Variants in GPHN observed in about 807,000 individuals in gnomAD.
The protein encoded by GPHN is gephyrin.
A neutral mutation model predicts 95.5 loss-of-function variants in GPHN; 17 were observed. That is an observed-to-expected ratio of 0.18 (90% CI 0.12 to 0.27). The LOEUF is 0.27. GPHN is among the 10% of genes least tolerant of loss of function. GPHN has a pLI of 1.00. For missense variants in GPHN, 660 were observed against 978.1 expected (o/e 0.67, Z 4.34); for synonymous variants, 320 against 322.5 (o/e 0.99, Z 0.08).
chr14:66,546,270 G>T (rs1465130038), intron 1 of GPHN, among the ~76,000 whole-genome samples: 1 of 150,568 alleles, frequency 6.6e-6, no homozygotes, highest in Non-Finnish European at 1.5e-5. Context: ...GGGCAGAGAC[G>T]CTCCTCACTT....
At position 66,996,317 on chromosome 14, in the gene GPHN, C is replaced by T. The variant is rs78874850; in HGVS notation, c.964-27316C>T. On this transcript the variant is annotated intron_variant, in intron 9 of 22. Coordinates refer to ENST00000478722, the MANE Select transcript of GPHN (RefSeq NM_020806.5). ...TTTCGCCTTAATTTATTTTGCCTTG[C>T]ACTTTGCACTTGCCTGAAAGGGATG... The T allele has an allele frequency of 2.6e-3, 2,111 of 797,588 alleles. 61 individuals are homozygous for T. In the East Asian group the frequency reaches 0.049, roughly 19 times the overall value. The allele number at this position is 797,588 out of a possible 1,614,324, so 49.4% of individuals were successfully genotyped here.
At chr14:67,449,014 T>C in the GPHN span, among the ~76,000 whole-genome samples, 36 of 152,142 alleles carry the variant, frequency 2.4e-4, no homozygotes, top group African/African-American at 8.4e-4. Flanking sequence ...AAAAGTCAGA[T>C]TGTAGCCCAA....
intron 1 of GPHN, among the ~76,000 whole-genome samples, chr14:66,561,987 T>C (rs2060272687): frequency 6.6e-6 from 1 of 152,100 alleles, no homozygotes; most frequent in Admixed American, 6.6e-5. Flanking sequence ...TGAGTCCTTC[T>C]CACACTGCCA....
chr14:66,539,343 A>G (rs986297482), intron 1 of GPHN, among the ~76,000 whole-genome samples: 3 of 150,214 alleles, frequency 2.0e-5, no homozygotes, highest in Non-Finnish European at 3.0e-5. Flanking sequence ...GTTCCTTTCA[A>G]CCTTGCATTT....
At chr14:67,723,678 T>C in the GPHN span, among the ~76,000 whole-genome samples, 3 of 152,240 alleles carry the variant, frequency 2.0e-5, no homozygotes, top group East Asian at 1.9e-4. Flanking sequence ...TTTTCTCTAC[T>C]GTAATGTGGA....
At chr14:67,571,889 G>A in the GPHN span, 4 of 1,610,594 alleles carry the variant, frequency 2.5e-6, no homozygotes, top group Non-Finnish European at 3.4e-6. Flanking sequence ...GCAGCCCCCG[G>A]GCCATCAAGA....
intron 10 of GPHN, among the ~76,000 whole-genome samples, chr14:67,026,821 T>C (rs1338979129): frequency 6.6e-6 from 1 of 152,106 alleles, no homozygotes; most frequent in Non-Finnish European, 1.5e-5. Context: ...TTTTTGTATT[T>C]TTAGTAGAGA....
At chr14:66,549,149 G>A (rs951609459) in intron 1 of GPHN, among the ~76,000 whole-genome samples, 5 of 152,236 alleles carry the variant, frequency 3.3e-5, no homozygotes, top group South Asian at 4.2e-4. Flanking sequence ...ACATTAGAAT[G>A]TGTCTAAAGT....
chr14:66,936,747 G>C (rs993369751), intron 8 of GPHN, among the ~76,000 whole-genome samples: 3 of 152,106 alleles, frequency 2.0e-5, no homozygotes, highest in Admixed American at 2.0e-4. Context: ...GAATGGAAAG[G>C]ACACAGACAT....
chr14:67,576,666 G>A, the GPHN span, among the ~76,000 whole-genome samples: 8 of 152,148 alleles, frequency 5.3e-5, no homozygotes, highest in African/African-American at 1.2e-4. The surrounding 1 kb of genome is among the most constrained non-coding windows in gnomAD (Gnocchi z 4.0). Flanking sequence ...CTCTGTCTCC[G>A]GCTGAGATAC....
At chr14:66,687,379 G>A (rs1257812977) in intron 2 of GPHN, among the ~76,000 whole-genome samples, 2 of 151,502 alleles carry the variant, frequency 1.3e-5, no homozygotes, top group East Asian at 1.9e-4. Context: ...TTCTATTTTT[G>A]TGATGAATGT....
At chr14:67,693,653 T>C in the GPHN span, among the ~76,000 whole-genome samples, 6 of 146,864 alleles carry the variant, frequency 4.1e-5, no homozygotes, top group Admixed American at 1.4e-4. Flanking sequence ...CTCTTTCTCT[T>C]TTTTTTTTTT....
At chr14:66,807,004 G>A (rs918161657) in intron 3 of GPHN, among the ~76,000 whole-genome samples, 1 of 152,010 alleles carries the variant, frequency 6.6e-6, no homozygotes, top group African/African-American at 2.4e-5. Flanking sequence ...AGACATACCC[G>A]AGACTCGGCA....
chr14:66,524,658 C>T (rs2058615468), intron 1 of GPHN, among the ~76,000 whole-genome samples: 1 of 152,018 alleles, frequency 6.6e-6, no homozygotes, highest in East Asian at 1.9e-4. Flanking sequence ...GCCCCCCACA[C>T]CCCGACAGGC....
At chr14:67,300,856 A>G in the GPHN span, among the ~76,000 whole-genome samples, 1 of 151,584 alleles carries the variant, frequency 6.6e-6, no homozygotes, top group African/African-American at 2.4e-5. Context: ...TTTTAATTAT[A>G]TAAAAAAATT....
intron 4 of GPHN, among the ~76,000 whole-genome samples, chr14:66,834,027 A>G (rs2061690421): frequency 6.6e-6 from 1 of 152,124 alleles, no homozygotes; most frequent in South Asian, 2.1e-4. Flanking sequence ...CTTCTATCGA[A>G]GAGTTCATTG....
chr14:67,022,541 CTTTTTTTTTTTTT>C (rs1214143019), intron 9 of GPHN, among the ~76,000 whole-genome samples: 1 of 18,900 alleles, frequency 5.3e-5, no homozygotes, highest in Non-Finnish European at 1.1e-4. Flanking sequence ...ATTATTTTTC[CTTTTTTTTTTTTT>C]TTTTTTTTTT....
At chr14:66,526,763 G>T (rs1257988825) in intron 1 of GPHN, among the ~76,000 whole-genome samples, 1 of 152,020 alleles carries the variant, frequency 6.6e-6, no homozygotes, top group Non-Finnish European at 1.5e-5. Context: ...CTTCGGTTTT[G>T]TGGTAGATTA....
intron 11 of GPHN, among the ~76,000 whole-genome samples, chr14:67,064,361 C>T (rs778661187): frequency 4.6e-5 from 7 of 152,022 alleles, no homozygotes; most frequent in South Asian, 2.1e-4. Context: ...ATTTTTGCAT[C>T]GATGTTCTTC....
Sources: gnomAD v4.1 joint callset for allele counts (sites outside exome capture counted in the v4.1 genomes callset) on GRCh38, gnomAD v4.1.1 for gene constraint, Gnocchi (gnomAD v3.1) non-coding constraint, MANE v1.5 for transcripts, NCBI Gene and HGNC (gene_info 2026-07-23, HGNC 2026-07-21) for gene names.